The following PTPRN2 variants were observed in gnomAD, a reference collection of about 807,000 sequenced individuals.
PTPRN2 encodes the protein protein tyrosine phosphatase receptor type N2.
Under a neutral mutation model 118.8 loss-of-function variants are expected in PTPRN2, and 74 were observed. The ratio of observed to expected loss-of-function variants is 0.62; its 90% CI spans 0.52 to 0.76. The LOEUF (loss-of-function observed/expected upper bound fraction) is 0.76. PTPRN2 is among the 30% of genes least tolerant of loss of function. The pLI, the probability that PTPRN2 is intolerant of heterozygous loss-of-function variation, is 0.00. For missense variants in PTPRN2, 1,481 were observed against 1,394.4 expected (o/e 1.06, Z -0.99); for synonymous variants, 641 against 608.0 (o/e 1.05, Z -0.80).
At chr7:158,273,168 C>T (rs1563072166) in intron 3 of PTPRN2, among the ~76,000 whole-genome samples, 6 of 152,156 alleles carry the variant, frequency 3.9e-5, no homozygotes, top group Admixed American at 3.3e-4. Flanking sequence ...GGAGTGAGCT[C>T]GCAGGGGAGG....
At position 158,287,366 on chromosome 7, in the gene PTPRN2, A is replaced by T. The variant is rs1459047120; in HGVS notation, c.277+29453T>A. Among the ~76,000 whole-genome samples the T allele has an allele frequency of 2.6e-5, 4 of 151,892 alleles. No homozygotes were observed. The East Asian group carries it at 7.7e-4, about 29-fold the overall frequency. ...TTATTATTTCTTTCCTATTAGATTTAGGCTTAGTTAGTTCTTTTTATAGTA... is the reference window on the plus strand; with the variant it reads ...TTATTATTTCTTTCCTATTAGATTTTGGCTTAGTTAGTTCTTTTTATAGTA... On this transcript the variant is annotated intron_variant, in intron 3 of 22. Transcript: ENST00000389418.
intron 4 of PTPRN2, among the ~76,000 whole-genome samples, chr7:158,196,557 A>T (rs1472024374): frequency 7.2e-6 from 1 of 138,424 alleles, no homozygotes; most frequent in Non-Finnish European, 1.5e-5. Context: ...CTCCTCGGCC[A>T]AACCCGTCTC....
Position 157,780,799 on chromosome 7 carries a change from C to T in PTPRN2, c.1789-97862G>A, listed in dbSNP as rs1300208033. On this transcript the variant is annotated intron_variant, in intron 12 of 22. Transcript: ENST00000389418. This position sits in a 1 kb window ranked among gnomAD's most constrained non-coding sequence, Gnocchi z 4.5. Reference sequence around the variant, plus strand: ...CCAAGGTGGACGAGCTCTCCAAACTCGCTTTCTCTGCCTCATCCGTGATGA... The same window carrying T: ...CCAAGGTGGACGAGCTCTCCAAACTTGCTTTCTCTGCCTCATCCGTGATGA... 6.6e-6 allele frequency among the ~76,000 whole-genome samples: 1 copy of T among 152,198 alleles called. No homozygotes were observed. The highest frequency in any genetic ancestry group is 1.5e-5 in the Non-Finnish European group (1 of 68,024).
chr7:157,836,961 C>T (rs547730980), intron 12 of PTPRN2, among the ~76,000 whole-genome samples: 39 of 149,454 alleles, frequency 2.6e-4, no homozygotes, highest in African/African-American at 9.1e-4. Flanking sequence ...GTCCACTCAC[C>T]ACCACCTGTC....
chr7:157,787,786 C>T lies in PTPRN2; in HGVS notation c.1789-104849G>A, dbSNP rs528419362. Among the ~76,000 whole-genome samples the T allele has an allele frequency of 1.3e-5, 2 of 152,240 alleles. No individual in the cohort carries two copies. The highest frequency in any genetic ancestry group is 1.3e-4 in the Admixed American group (2 of 15,298). On this transcript the variant is annotated intron_variant, in intron 12 of 22. Coordinates refer to ENST00000389418, the MANE Select transcript of PTPRN2 (RefSeq NM_002847.5). The surrounding 1 kb of genome is among the most constrained non-coding windows in gnomAD (Gnocchi z 5.3). ...CCTCGGACTTCATTTGTGCTCATGG[C>T]TGGGGGAGGCACCTGGGGGCCCCGT...
chr7:158,502,027 A>G (rs146946645), intron 1 of PTPRN2, among the ~76,000 whole-genome samples: 10 of 152,272 alleles, frequency 6.6e-5, no homozygotes, highest in South Asian at 2.1e-4. Flanking sequence ...GTCACGGAGT[A>G]AAACGCACCA....
chr7:157,708,273 G>A (rs1208742121), intron 12 of PTPRN2, among the ~76,000 whole-genome samples: 2 of 152,246 alleles, frequency 1.3e-5, no homozygotes, highest in African/African-American at 4.8e-5. Flanking sequence ...CCTGGTGCCA[G>A]TTCCCTCCTG....
chr7:157,611,959 G>C lies in PTPRN2; in HGVS notation c.2345-7884C>G, dbSNP rs1352249301. On this transcript the variant is annotated intron_variant, in intron 15 of 22. Coordinates refer to ENST00000389418, the MANE Select transcript of PTPRN2 (RefSeq NM_002847.5). This position sits in a 1 kb window ranked among gnomAD's most constrained non-coding sequence, Gnocchi z 5.9. ...GACAGCCGTGGTCGTGCTGAGGAGC[G>C]AGGCCTCCAGAGAAGCCAGCCCTGC... Among the ~76,000 whole-genome samples, 1 of 152,284 alleles carries C rather than the reference G, an allele frequency of 6.6e-6. No homozygotes were observed. The highest frequency in any genetic ancestry group is 6.5e-5 in the Admixed American group (1 of 15,308).
intron 1 of PTPRN2, among the ~76,000 whole-genome samples, chr7:158,523,390 G>C (rs991901973): frequency 1.5e-5 from 2 of 133,342 alleles, no homozygotes; most frequent in African/African-American, 2.9e-5. Flanking sequence ...GTCTGCCCTG[G>C]AGCGGAGTCA....
At chr7:158,155,490 CCAT>C in intron 6 of PTPRN2, among the ~76,000 whole-genome samples, 1 of 105,760 alleles carries the variant, frequency 9.5e-6, no homozygotes, top group East Asian at 3.1e-4. Context: ...ATCATCATCA[CCAT>C]CACCATCATC....
Position 158,141,050 on chromosome 7 carries a change from G to A in PTPRN2, c.911-2535C>T, listed in dbSNP as rs1819337722. 2.0e-5 allele frequency among the ~76,000 whole-genome samples: 3 copies of A among 151,700 alleles called. No homozygotes were observed. The South Asian group carries it at 6.3e-4, about 32-fold the overall frequency. On this transcript the variant is annotated intron_variant, in intron 6 of 22. Transcript: ENST00000389418. ...GTCTCACCACGACCCTCCACTGTAG[G>A]GGGGTCCCGCTGCCACCCTCCACGC...
chr7:157,988,367 T>C (rs115794918), intron 11 of PTPRN2, among the ~76,000 whole-genome samples: 3,237 of 152,320 alleles, frequency 0.021, 118 homozygotes, highest in African/African-American at 0.072. Flanking sequence ...CCAGCTCTCC[T>C]GAGGCTGGTT....
Position 158,318,173 on chromosome 7 carries a change from A to G in PTPRN2, c.164-1241T>C, listed in dbSNP as rs536458510. ...GCGCCCCCCACCGTCCGTGATGGAC[A>G]GGCCGCACCACAGGCGGGAACACAG... On this transcript the variant is annotated intron_variant, in intron 2 of 22. Transcript: ENST00000389418. Among the ~76,000 whole-genome samples the G allele has an allele frequency of 8.0e-3, 1,225 of 152,248 alleles. 18 individuals are homozygous for G. Among genetic ancestry groups the G allele is most frequent in the African/African-American group, 0.027 (1,134 of 41,554 alleles).
At chr7:158,167,640 A>G (rs1030183386) in intron 5 of PTPRN2, among the ~76,000 whole-genome samples, 4 of 152,228 alleles carry the variant, frequency 2.6e-5, no homozygotes, top group South Asian at 2.1e-4. Flanking sequence ...GCATCACCCA[A>G]AAAGAGACTT....
chr7:158,169,085 C>A (rs904235673), intron 5 of PTPRN2, among the ~76,000 whole-genome samples: 1 of 152,178 alleles, frequency 6.6e-6, no homozygotes, highest in Non-Finnish European at 1.5e-5. Flanking sequence ...CACCTCGGCA[C>A]TAGCTAAGGG....
intron 15 of PTPRN2, among the ~76,000 whole-genome samples, chr7:157,620,281 G>A (rs1479525542): frequency 6.6e-6 from 1 of 152,156 alleles, no homozygotes; most frequent in African/African-American, 2.4e-5. Flanking sequence ...CGCCAGCGCC[G>A]GGCAGTCCTT....
At chr7:158,069,899 G>A (rs1811073738) in intron 11 of PTPRN2, among the ~76,000 whole-genome samples, 1 of 152,244 alleles carries the variant, frequency 6.6e-6, no homozygotes, top group Non-Finnish European at 1.5e-5. Flanking sequence ...GCCTCGCGGA[G>A]TGTAACTATT....
intron 3 of PTPRN2, among the ~76,000 whole-genome samples, chr7:158,234,820 T>C (rs1407319358): frequency 2.0e-5 from 3 of 152,180 alleles, no homozygotes; most frequent in Non-Finnish European, 2.9e-5. Flanking sequence ...TGGAGTGCAA[T>C]GGCACAATCT....
chr7:158,509,757 C>T lies in PTPRN2; in HGVS notation c.113-19972G>A, dbSNP rs956965026. 6.6e-6 allele frequency among the ~76,000 whole-genome samples: 1 copy of T among 152,234 alleles called. No individual in the cohort carries two copies. The highest frequency in any genetic ancestry group is 2.4e-5 in the African/African-American group (1 of 41,458). On this transcript the variant is annotated intron_variant, in intron 1 of 22. Transcript: ENST00000389418. The surrounding 1 kb of genome is among the most constrained non-coding windows in gnomAD (Gnocchi z 4.4). ...CCTGTCCTTTGCCCAGGCCTGAGGCCACACGGGCAGAGTGGCAGTGGAGGG... is the reference window on the plus strand; with the variant it reads ...CCTGTCCTTTGCCCAGGCCTGAGGCTACACGGGCAGAGTGGCAGTGGAGGG...
Sources: allele counts gnomAD v4.1 joint callset (sites outside exome capture counted in the v4.1 genomes callset), GRCh38; gene constraint gnomAD v4.1.1; non-coding constraint Gnocchi (gnomAD v3.1); transcripts MANE v1.5; gene names NCBI Gene and HGNC (gene_info 2026-07-23, HGNC 2026-07-21).